The following EVL variants were observed in gnomAD, a reference collection of about 807,000 sequenced individuals.
EVL encodes ena/VASP-like protein.
A neutral mutation model predicts 59.6 loss-of-function variants in EVL; 21 were observed. That is an observed-to-expected ratio of 0.35 (90% confidence interval 0.25 to 0.51). The LOEUF is 0.51. EVL is among the 20% of genes least tolerant of loss of function. The pLI is 0.97. For synonymous variants in EVL, 198 were observed against 203.5 expected, an observed-to-expected ratio of 0.97 and a Z score of 0.23; for missense variants, 462 against 546.6, an observed-to-expected ratio of 0.85 and a Z score of 1.54.
chr14:100,051,602 C>T (rs961394749), intron 1 of EVL, among the ~76,000 whole-genome samples: 2 of 152,172 alleles, frequency 1.3e-5, no homozygotes, highest in African/African-American at 2.4e-5. Flanking sequence ...GTGTGGACTG[C>T]GTACCTCTGG....
intron 1 of EVL, among the ~76,000 whole-genome samples, chr14:100,007,269 G>T (rs1280177018): frequency 6.6e-6 from 1 of 151,984 alleles, no homozygotes; most frequent in Non-Finnish European, 1.5e-5. Context: ...GGGCTTCCAG[G>T]TCACAGGTAG....
intron 2 of EVL, among the ~76,000 whole-genome samples, chr14:100,087,721 G>A (rs1435287048): frequency 6.6e-6 from 1 of 152,220 alleles, no homozygotes; most frequent in Admixed American, 6.5e-5. Context: ...TAGAGGTGGA[G>A]CAAATTCATG....
At chr14:100,081,909 G>T (rs2062317032) in intron 1 of EVL, among the ~76,000 whole-genome samples, 1 of 152,176 alleles carries the variant, frequency 6.6e-6, no homozygotes, top group Non-Finnish European at 1.5e-5. Flanking sequence ...AGACCAGCCT[G>T]GGCAACATGG....
chr14:100,038,440 GC>G (rs1445407107), intron 1 of EVL, among the ~76,000 whole-genome samples: 1 of 152,150 alleles, frequency 6.6e-6, no homozygotes, highest in Non-Finnish European at 1.5e-5. Context: ...GGACAAGGTT[GC>G]CCACCACTGC....
intron 3 of EVL, among the ~76,000 whole-genome samples, chr14:100,118,540 C>T (rs551907516): frequency 3.9e-5 from 6 of 152,318 alleles, no homozygotes; most frequent in Middle Eastern, 3.4e-3. Context: ...GACCGCCAAA[C>T]GCCTGTAGTG....
At chr14:100,057,163 C>A (rs2061746508) in intron 1 of EVL, among the ~76,000 whole-genome samples, 1 of 152,194 alleles carries the variant, frequency 6.6e-6, no homozygotes. Flanking sequence ...GAGCCTGAAC[C>A]ACCAGGGCAT....
intron 1 of EVL, among the ~76,000 whole-genome samples, chr14:100,071,954 A>G (rs970757830): frequency 2.6e-5 from 4 of 152,200 alleles, no homozygotes; most frequent in African/African-American, 9.7e-5. Flanking sequence ...TTAAGAAAAA[A>G]AAATGGCACC....
intron 11 of EVL, chr14:100,139,257 G>A (rs1053421921): frequency 6.6e-6 from 1 of 152,288 alleles, no homozygotes; most frequent in Non-Finnish European, 1.5e-5. Context: ...CACTGGGCAG[G>A]AACATTGTCA....
chr14:100,110,672 C>G (rs1011810078), intron 3 of EVL, among the ~76,000 whole-genome samples: 8 of 152,276 alleles, frequency 5.3e-5, no homozygotes, highest in Admixed American at 3.9e-4. Context: ...ACTGTGCATG[C>G]CTCACGGGTG....
At chr14:100,035,922 C>G (rs2061382089) in intron 1 of EVL, among the ~76,000 whole-genome samples, 1 of 152,142 alleles carries the variant, frequency 6.6e-6, no homozygotes, top group Non-Finnish European at 1.5e-5. Context: ...GACTCAATCC[C>G]CTGGCTATGG....
chr14:100,095,045 A>T (rs1327967318), intron 2 of EVL, among the ~76,000 whole-genome samples: 1 of 152,200 alleles, frequency 6.6e-6, no homozygotes, highest in African/African-American at 2.4e-5. Context: ...CGTCTAAAAA[A>T]ACAAAACAAA....
intron 1 of EVL, among the ~76,000 whole-genome samples, chr14:99,989,837 C>T (rs921126101): frequency 6.6e-6 from 1 of 152,184 alleles, no homozygotes; most frequent in African/African-American, 2.4e-5. Flanking sequence ...CTGTGGCAGG[C>T]GTTCACCCAG....
chr14:100,001,466 A>G (rs2060945915), intron 1 of EVL, among the ~76,000 whole-genome samples: 2 of 152,334 alleles, frequency 1.3e-5, no homozygotes, highest in Middle Eastern at 3.4e-3. Context: ...TACTAAAGAC[A>G]AATCATGGTA....
rs541246205 is a variant in EVL at position 100,000,518 on chromosome 14, C to T, written c.5+28461C>T. 2.3e-4 allele frequency among the ~76,000 whole-genome samples: 35 copies of T among 151,976 alleles called. No homozygotes were observed. The South Asian group carries it at 7.3e-3, about 32-fold the overall frequency. On this transcript the variant is annotated intron_variant, in intron 1 of 13. Transcript: ENST00000402714. ...GCGTGCCATCATGCCCGGCTCATTTCTTGTATTTTTAGTAAAGACGGGGTT... is the reference window on the plus strand; with the variant it reads ...GCGTGCCATCATGCCCGGCTCATTTTTTGTATTTTTAGTAAAGACGGGGTT...
intron 1 of EVL, among the ~76,000 whole-genome samples, chr14:100,084,203 C>G (rs1326283163): frequency 2.0e-5 from 3 of 151,924 alleles, no homozygotes; most frequent in Non-Finnish European, 2.9e-5. Context: ...AGGCATGTGC[C>G]ACCGTGCCTG....
At chr14:100,036,138 A>C (rs1159214099) in intron 1 of EVL, among the ~76,000 whole-genome samples, 1 of 152,092 alleles carries the variant, frequency 6.6e-6, no homozygotes. Flanking sequence ...CAGAAACCCT[A>C]CTGTGAACTG....
At chr14:100,025,969 G>T (rs1210099) in intron 1 of EVL, among the ~76,000 whole-genome samples, 2 of 151,960 alleles carry the variant, frequency 1.3e-5, no homozygotes, top group African/African-American at 2.4e-5. Context: ...ACACAGCTGT[G>T]GTGGGGCACA....
intron 3 of EVL, chr14:100,106,002 T>C (rs1886544492): frequency 6.6e-6 from 1 of 152,262 alleles, no homozygotes; most frequent in Non-Finnish European, 1.5e-5. Flanking sequence ...GTGGCTTTAG[T>C]TACGTTTTGT....
chr14:100,013,765 T>C (rs1595562803), intron 1 of EVL, among the ~76,000 whole-genome samples: 1 of 152,196 alleles, frequency 6.6e-6, no homozygotes, highest in South Asian at 2.1e-4. Flanking sequence ...AGGGGCCAGG[T>C]TGGCAAGTTT....
Sources: allele counts gnomAD v4.1 joint callset (sites outside exome capture counted in the v4.1 genomes callset), GRCh38; gene constraint gnomAD v4.1.1; transcripts MANE v1.5; gene names NCBI Gene and HGNC (gene_info 2026-07-23, HGNC 2026-07-21).